Variants in SGCZ observed in about 807,000 individuals in gnomAD.
SGCZ encodes sarcoglycan zeta.
SGCZ carries 40 observed loss-of-function variants against 41.3 expected under a neutral mutation model. That is an observed-to-expected ratio of 0.97 (90% confidence interval 0.75 to 1.26). SGCZ has a LOEUF of 1.26. SGCZ is among the 50% of genes most tolerant of loss of function. SGCZ has a pLI of 0.00. For missense variants in SGCZ, 552 were observed against 369.8 expected (o/e 1.49, Z -4.04); for synonymous variants, 206 against 137.5 (o/e 1.50, Z -3.49).
intron 1 of SGCZ, among the ~76,000 whole-genome samples, chr8:14,741,695 A>C (rs1199782759): frequency 6.6e-6 from 1 of 152,104 alleles, no homozygotes; most frequent in Non-Finnish European, 1.5e-5. Context: ...TAAAATGTAG[A>C]TATTTTTCTA....
intron 1 of SGCZ, among the ~76,000 whole-genome samples, chr8:14,813,091 T>G (rs373062752): frequency 1.7e-3 from 259 of 152,302 alleles, no homozygotes; most frequent in Admixed American, 3.2e-3. Context: ...AATATTTTGT[T>G]GACTATGAAA....
intron 3 of SGCZ, among the ~76,000 whole-genome samples, chr8:14,253,411 T>C (rs938259222): frequency 2.0e-5 from 3 of 152,130 alleles, no homozygotes; most frequent in Non-Finnish European, 4.4e-5. Flanking sequence ...ACAAGTTTCA[T>C]CCAGAAAAAG....
At chr8:14,234,148 TA>T (rs1320364767) in intron 4 of SGCZ, among the ~76,000 whole-genome samples, 2 of 152,078 alleles carry the variant, frequency 1.3e-5, no homozygotes, top group Admixed American at 1.3e-4. Flanking sequence ...TTTTTCTACC[TA>T]AAGTTTTAAA....
At chr8:14,389,532 T>C in intron 2 of SGCZ, among the ~76,000 whole-genome samples, 1 of 151,456 alleles carries the variant, frequency 6.6e-6, no homozygotes, top group Non-Finnish European at 1.5e-5. Context: ...AAAAGACTTT[T>C]GTAATGCCTA....
chr8:14,791,245 T>A (rs1374993097), intron 1 of SGCZ, among the ~76,000 whole-genome samples: 5 of 152,088 alleles, frequency 3.3e-5, no homozygotes, highest in Non-Finnish European at 7.4e-5. Context: ...ACATTACTTC[T>A]TTTAGTTTGC....
intron 1 of SGCZ, among the ~76,000 whole-genome samples, chr8:14,891,682 G>A (rs1054350850): frequency 1.3e-5 from 2 of 152,198 alleles, no homozygotes; most frequent in African/African-American, 4.8e-5. Flanking sequence ...AAGTTCTACT[G>A]TGAGCAAAAT....
chr8:14,487,663 C>T (rs192809876), intron 2 of SGCZ: 88 of 152,340 alleles, frequency 5.8e-4, no homozygotes, highest in Admixed American at 4.8e-3. Flanking sequence ...TTTTATCTTA[C>T]CCCAGAGAGA....
intron 2 of SGCZ, among the ~76,000 whole-genome samples, chr8:14,399,654 AT>A (rs1304595949): frequency 2.0e-5 from 3 of 152,138 alleles, no homozygotes; most frequent in Admixed American, 6.6e-5. Context: ...TATAATGAAT[AT>A]TTGAAAAGAA....
At chr8:15,231,201 T>G (rs117565482) in intron 1 of SGCZ, among the ~76,000 whole-genome samples, 3,465 of 152,300 alleles carry the variant, frequency 0.023, 59 homozygotes, top group Middle Eastern at 0.041. Context: ...GACATTGCCA[T>G]GATAATTAAA....
At position 14,727,514 on chromosome 8, in the gene SGCZ, G is replaced by A. The variant is rs147129222; in HGVS notation, c.40-172588C>T. Among the ~76,000 whole-genome samples the A allele has an allele frequency of 5.1e-3, 748 of 147,906 alleles. 3 individuals carry two copies. Among genetic ancestry groups the A allele is most frequent in the South Asian group, 0.019 (88 of 4,676 alleles). On this transcript the variant is annotated intron_variant, in intron 1 of 7. Coordinates refer to ENST00000382080, the MANE Select transcript of SGCZ (RefSeq NM_139167.4). ...GAGAAATGAAAGCATGTACAATAATGCTTTTTTTTTTTTTGAGGTGGAGTC... is the reference window on the plus strand; with the variant it reads ...GAGAAATGAAAGCATGTACAATAATACTTTTTTTTTTTTTGAGGTGGAGTC...
Position 15,197,741 on chromosome 8 carries a change from T to G in SGCZ, c.39+39844A>C, listed in dbSNP as rs1230207045. ...AAACAGGGGGAGGCAAGGTCTAAAA[T>G]TAACCACTGATTATTAGAATTTCCT... On this transcript the variant is annotated intron_variant, in intron 1 of 7. Transcript: ENST00000382080. 3.9e-5 allele frequency among the ~76,000 whole-genome samples: 6 copies of G among 152,282 alleles called. No individual in the cohort carries two copies. In the Middle Eastern group the frequency reaches 0.01, roughly 261 times the overall value.
chr8:14,791,888 G>C (rs1209500600), intron 1 of SGCZ, among the ~76,000 whole-genome samples: 1 of 152,116 alleles, frequency 6.6e-6, no homozygotes, highest in African/African-American at 2.4e-5. Flanking sequence ...ATACAGATGG[G>C]TTACCTAAAT....
At chr8:14,782,771 TCTCACTAG>T (rs1397407004) in intron 1 of SGCZ, among the ~76,000 whole-genome samples, 1 of 152,138 alleles carries the variant, frequency 6.6e-6, no homozygotes, top group African/African-American at 2.4e-5. Flanking sequence ...CCTACCCTAT[TCTCACTAG>T]TGGTTATCAA....
intron 1 of SGCZ, among the ~76,000 whole-genome samples, chr8:15,185,578 C>A (rs1800308262): frequency 6.6e-6 from 1 of 152,204 alleles, no homozygotes; most frequent in South Asian, 2.1e-4. Context: ...ATGACTTCTT[C>A]AAGAAGGGCA....
chr8:14,864,135 A>T (rs1182991683), intron 1 of SGCZ, among the ~76,000 whole-genome samples: 1 of 152,156 alleles, frequency 6.6e-6, no homozygotes, highest in Non-Finnish European at 1.5e-5. Flanking sequence ...GAAGGGTAAG[A>T]ACAAAACATC....
rs143580231 is a variant in SGCZ, at chr8:15,183,263, T to C, written c.39+54322A>G. 2.5e-3 allele frequency among the ~76,000 whole-genome samples: 376 copies of C among 152,384 alleles called. 2 individuals are homozygous for C. Among genetic ancestry groups the C allele is most frequent in the African/African-American group, 8.5e-3 (353 of 41,594 alleles). On this transcript the variant is annotated intron_variant, in intron 1 of 7. Transcript: ENST00000382080. ...ATTTATTATCAAGTATTATATACTG[T>C]ACATAATTTTCTATGCTAGGCTGTC... is the stretch of plus-strand genomic sequence containing the variant.
intron 1 of SGCZ, among the ~76,000 whole-genome samples, chr8:14,765,263 A>G (rs191374617): frequency 9.5e-4 from 145 of 152,348 alleles, no homozygotes; most frequent in African/African-American, 3.5e-3. Flanking sequence ...AAGCTGAAAT[A>G]TATTTAATAA....
chr8:15,101,200 T>C (rs895223434), intron 1 of SGCZ, among the ~76,000 whole-genome samples: 1 of 152,164 alleles, frequency 6.6e-6, no homozygotes, highest in Non-Finnish European at 1.5e-5. Flanking sequence ...GGGATAACTT[T>C]TGAACACACC....
chr8:14,378,511 A>T (rs1262072929), intron 2 of SGCZ, among the ~76,000 whole-genome samples: 3 of 152,180 alleles, frequency 2.0e-5, no homozygotes, highest in African/African-American at 7.2e-5. Flanking sequence ...AATGGGGGAA[A>T]ATTTTCACAA....
Sources: gnomAD v4.1 joint callset for allele counts (sites outside exome capture counted in the v4.1 genomes callset) on GRCh38, gnomAD v4.1.1 for gene constraint, MANE v1.5 for transcripts, NCBI Gene and HGNC (gene_info 2026-07-23, HGNC 2026-07-21) for gene names.